The following IL16 variants were observed in gnomAD, a reference collection of about 807,000 sequenced individuals.
IL16 encodes interleukin 16, also known as pro-interleukin-16.
IL16 carries 67 observed loss-of-function variants against 110.1 expected under a neutral mutation model. That is an observed-to-expected ratio of 0.61 (90% CI 0.50 to 0.75). The LOEUF (loss-of-function observed/expected upper bound fraction) is 0.75. IL16 is among the 30% of genes least tolerant of loss of function. IL16 has a pLI of 0.00. For missense variants in IL16, 1,545 were observed against 1,655.0 expected (o/e 0.93, Z 1.15); for synonymous variants, 689 against 662.9 (o/e 1.04, Z -0.61).
At chr15:81,269,230 G>T (rs1412860896) in intron 4 of IL16, among the ~76,000 whole-genome samples, 1 of 152,226 alleles carries the variant, frequency 6.6e-6, no homozygotes, top group Non-Finnish European at 1.5e-5. Flanking sequence ...GGCTTATGAG[G>T]ACTTGTCCTG....
At chr15:81,281,057 C>T (rs1031957940) in intron 8 of IL16, among the ~76,000 whole-genome samples, 2 of 152,194 alleles carry the variant, frequency 1.3e-5, no homozygotes, top group Non-Finnish European at 2.9e-5. Flanking sequence ...AAGGGATCCA[C>T]ATTCTAAACA....
In IL16 at chr15:81,258,429, G is replaced by A. The variant is rs1014340092; in HGVS notation, c.313-1343G>A. Among the ~76,000 whole-genome samples the A allele has an allele frequency of 2.0e-5, 3 of 152,140 alleles. No individual in the cohort carries two copies. In the East Asian group the frequency reaches 5.8e-4, roughly 29 times the overall value. Reference sequence around the variant, plus strand: ...AAAGAAAATTTGATTGTCTAGTCACGATGACTCACGCCTGTAATCCTTACA... The same window carrying A: ...AAAGAAAATTTGATTGTCTAGTCACAATGACTCACGCCTGTAATCCTTACA... On this transcript the variant is annotated intron_variant, in intron 2 of 18. Coordinates refer to ENST00000683961, the MANE Select transcript of IL16 (RefSeq NM_172217.5).
chr15:81,228,168 T>G (rs2142047834), intron 2 of IL16, among the ~76,000 whole-genome samples: 1 of 152,224 alleles, frequency 6.6e-6, no homozygotes, highest in African/African-American at 2.4e-5. Flanking sequence ...TGAGCACGTC[T>G]ATCACTCTGT....
intron 1 of IL16, among the ~76,000 whole-genome samples, chr15:81,183,717 G>A (rs1895378412): frequency 6.6e-6 from 1 of 152,256 alleles, no homozygotes; most frequent in Admixed American, 6.5e-5. Context: ...GGCATCCGCT[G>A]AAGTCTGAAG....
chr15:81,302,714 T>C (rs1413007087), intron 15 of IL16, among the ~76,000 whole-genome samples: 3 of 152,170 alleles, frequency 2.0e-5, no homozygotes, highest in African/African-American at 7.2e-5. Context: ...TTGGTCTGCA[T>C]GGTGATGAAA....
intron 13 of IL16, 57 bp from the exon 14 acceptor site, chr15:81,299,323 G>T (rs1262431683): frequency 2.5e-6 from 4 of 1,601,840 alleles, no homozygotes; most frequent in Non-Finnish European, 3.4e-6. Flanking sequence ...TAGAATTTAG[G>T]AAGAAAAGTC....
At chr15:81,295,601 T>G in intron 12 of IL16, 2 of 868,064 alleles carry the variant, frequency 2.3e-6, no homozygotes, top group Non-Finnish European at 3.3e-6. Context: ...TTGGAGCTTC[T>G]AATGCCATGA....
upstream of IL16, among the ~76,000 whole-genome samples, chr15:81,192,860 A>T (rs1419573530): frequency 1.3e-5 from 2 of 152,222 alleles, no homozygotes; most frequent in African/African-American, 4.8e-5. Flanking sequence ...GCTTCTGGGG[A>T]TAGAGCCAAC....
At chr15:81,282,522 CG>C in intron 8 of IL16, 116 bp from the exon 9 acceptor site, 1 of 757,152 alleles carries the variant, frequency 1.3e-6, no homozygotes, top group Non-Finnish European at 2.3e-6. Context: ...TCTGTGAATA[CG>C]GGTGGGATGA....
intron 1 of IL16, among the ~76,000 whole-genome samples, chr15:81,199,531 C>T (rs1392983020): frequency 6.6e-6 from 1 of 152,178 alleles, no homozygotes; most frequent in Non-Finnish European, 1.5e-5. Context: ...TGGGATCCCG[C>T]GTGGAGATCT....
upstream of IL16, among the ~76,000 whole-genome samples, chr15:81,194,309 C>T (rs1277120642): frequency 3.3e-5 from 5 of 152,158 alleles, no homozygotes; most frequent in African/African-American, 1.2e-4. Flanking sequence ...GGAGATGACC[C>T]TGTTGTGTCA....
At chr15:81,196,375 G>C (rs1895597237), upstream of IL16, among the ~76,000 whole-genome samples, 1 of 152,302 alleles carries the variant, frequency 6.6e-6, no homozygotes, top group African/African-American at 2.4e-5. Context: ...ATTGATGGCA[G>C]GATTGTATGT....
chr15:81,290,492 G>A lies in IL16; in HGVS notation c.1372G>A (p.Val458Met). Residue 458 changes from valine (V) to methionine (M), a missense_variant, in exon 11 of 19, where the codon GTG (valine) becomes ATG (methionine). By Grantham distance (21) the Val-to-Met change is conservative (BLOSUM62 1). Around this residue, in one of 3 missense-constraint regions of IL16, gnomAD observed 1,185 missense variants for 1,238.8 expected, o/e 0.96. Coordinates refer to ENST00000683961, the MANE Select transcript of IL16 (RefSeq NM_172217.5). ...ACTCAAAGAAGCTGTGGCCCAGGCT[G>A]TGGAAAACACCAAGTTTGGAAAGGA... is the stretch of plus-strand genomic sequence containing the variant. Reference protein sequence around the residue: ...QQLKEAVAQAVENTKFGKERH... With the variant: ...QQLKEAVAQAMENTKFGKERH... 6.2e-7 allele frequency: 1 copy of A among 1,613,646 alleles called. No homozygotes were observed. Among genetic ancestry groups the A allele is most frequent in the Non-Finnish European group, 8.5e-7 (1 of 1,179,788 alleles).
At chr15:81,268,219 A>G (rs765778222) in intron 4 of IL16, among the ~76,000 whole-genome samples, 3 of 152,226 alleles carry the variant, frequency 2.0e-5, no homozygotes, top group Non-Finnish European at 1.5e-5. Context: ...CTGCAAGCCA[A>G]CAAGAGAGAG....
intron 2 of IL16, among the ~76,000 whole-genome samples, chr15:81,241,985 C>G (rs1897351869): frequency 6.8e-6 from 1 of 147,692 alleles, no homozygotes; most frequent in Non-Finnish European, 1.5e-5. Context: ...CTGTGGATAT[C>G]CAATTATAGC....
At chr15:81,202,953 T>C (rs1401408547) in intron 1 of IL16, among the ~76,000 whole-genome samples, 2 of 151,836 alleles carry the variant, frequency 1.3e-5, no homozygotes, top group African/African-American at 4.8e-5. Context: ...AGTGTAAAAG[T>C]GTTCCTATTT....
chr15:81,214,066 T>C (rs1896342699), intron 1 of IL16, among the ~76,000 whole-genome samples: 1 of 152,310 alleles, frequency 6.6e-6, no homozygotes, highest in East Asian at 1.9e-4. Context: ...GCAGTAGGTA[T>C]TGTTCTTTTG....
rs920982285 is a variant in IL16, at chr15:81,197,128, G to A, written c.-126G>A. 3.1e-6 allele frequency: 4 copies of A among 1,288,562 alleles called. No homozygotes were observed. Among genetic ancestry groups the A allele is most frequent in the Non-Finnish European group, 4.0e-6 (4 of 988,412 alleles). 79.8% of individuals were successfully genotyped at this position (1,288,562 alleles called of 1,614,324 possible). A position where few individuals can be genotyped will look rare whatever the true frequency, so the allele number is the denominator to read the frequency against. On this transcript the variant is annotated 5_prime_UTR_variant, in exon 1 of 19. Coordinates refer to ENST00000683961, the MANE Select transcript of IL16 (RefSeq NM_172217.5). The stretch of plus-strand genomic sequence containing the variant: ...GGAGATGGCAGCCCCGGGGGACTGT[G>A]CATAGGGAGGTAGGTGGGCACCAGG...
At chr15:81,254,806 CT>C (rs1897890169) in intron 2 of IL16, among the ~76,000 whole-genome samples, 1 of 152,184 alleles carries the variant, frequency 6.6e-6, no homozygotes, top group Non-Finnish European at 1.5e-5. Flanking sequence ...GATGAGAAAC[CT>C]CTCCACCCAG....
Sources: allele counts gnomAD v4.1 joint callset (sites outside exome capture counted in the v4.1 genomes callset), GRCh38; gene constraint gnomAD v4.1.1; regional missense constraint gnomAD v4.1.1; transcripts MANE v1.5; gene names NCBI Gene and HGNC (gene_info 2026-07-23, HGNC 2026-07-21).